Variants in TTC3 observed in about 807,000 individuals in gnomAD.
TTC3 encodes E3 ubiquitin-protein ligase TTC3.
TTC3 carries 180 observed loss-of-function variants against 249.6 expected under a neutral mutation model. That is an observed-to-expected ratio of 0.72 (90% CI 0.64 to 0.82). TTC3 has a LOEUF of 0.82. TTC3 is among the 40% of genes least tolerant of loss of function. The probability of loss-of-function intolerance (pLI) is 0.00; values close to 1 mark genes in which losing one functional copy is unlikely to be tolerated. For missense variants in TTC3, 2,061 were observed against 2,398.4 expected (o/e 0.86, Z 2.94); for synonymous variants, 717 against 805.0 (o/e 0.89, Z 1.85).
chr21:37,201,021 A>G (rs1422546232), intron 45 of TTC3, among the ~76,000 whole-genome samples: 1 of 152,234 alleles, frequency 6.6e-6, no homozygotes, highest in African/African-American at 2.4e-5. Context: ...CAGCAGCAGC[A>G]GGAGTGTGGC....
At position 37,195,846 on chromosome 21, in the gene TTC3, G is replaced by T. The variant is rs2084842452; in HGVS notation, c.5389G>T (p.Gly1797Cys). 1 of 1,614,240 alleles carries T rather than the reference G, an allele frequency of 6.2e-7. No individual in the cohort carries two copies. The highest frequency in any genetic ancestry group is 1.7e-5 in the Admixed American group (1 of 60,028). ...TGCGCTGTTGCCAGGGCCACCCCCT[G>T]GTCAGCCTGAAGCCACTCAGCTGAC... Residue 1797 changes from glycine to cysteine, a missense_variant, in exon 42 of 46, where the codon GGT (glycine) becomes TGT (cysteine). By Grantham distance (159) the Gly-to-Cys change is radical. Coordinates refer to ENST00000355666, the Ensembl canonical transcript of TTC3.
Position 37,148,528 on chromosome 21 carries a change from A to C in TTC3, c.2017-18A>C, listed in dbSNP as rs1194388144. ...GACATCTTTAAAACGTTAATTAAAA[A>C]ATTTTTTGTAACCCTAGGGTTTTAT... On this transcript the variant is annotated intron_variant, in intron 22 of 45. Transcript: ENST00000355666. The C allele has an allele frequency of 6.6e-7, 1 of 1,508,258 alleles. No homozygotes were observed. The highest frequency in any genetic ancestry group is 2.3e-5 in the Admixed American group (1 of 43,984). The allele number at this position is 1,508,258 out of a possible 1,614,324, so 93.4% of individuals were successfully genotyped here.
chr21:37,139,883 G>GT (rs1569027989), intron 19 of TTC3, among the ~76,000 whole-genome samples: 1 of 152,138 alleles, frequency 6.6e-6, no homozygotes, highest in Non-Finnish European at 1.5e-5. Context: ...TGCTTCAAAC[G>GT]TTTTTAGAAT....
intron 1 of TTC3, chr21:37,082,439 G>C: frequency 1.0e-6 from 1 of 965,072 alleles, no homozygotes; most frequent in Non-Finnish European, 1.2e-6. Flanking sequence ...GTGATCTTGA[G>C]AGTCTAATTT....
chr21:37,172,622 C>T, exon 35 of TTC3: 2 of 1,612,634 alleles, frequency 1.2e-6, no homozygotes, highest in Non-Finnish European at 8.5e-7. Context: ...TGAAAAGGAG[C>T]ACCAAGTATT....
At chr21:37,158,282 A>G in intron 28 of TTC3, 1 of 882,468 alleles carries the variant, frequency 1.1e-6, no homozygotes, top group Non-Finnish European at 1.4e-6. Context: ...ACTAAAAAGG[A>G]CACAATTCCC....
intron 13 of TTC3, among the ~76,000 whole-genome samples, chr21:37,124,190 A>ACTG (rs1304470145): frequency 8.6e-6 from 1 of 116,942 alleles, no homozygotes; most frequent in Admixed American, 1.3e-4. Context: ...ATCTTGGGTC[A>ACTG]CTGAAACCTC....
intron 1 of TTC3, among the ~76,000 whole-genome samples, chr21:37,084,948 G>A (rs549082297): frequency 3.5e-4 from 54 of 152,286 alleles, no homozygotes; most frequent in African/African-American, 1.2e-3. Context: ...AGCCGAGATC[G>A]TGCCAGTGCA....
chr21:37,106,542 C>G (rs2075092956), intron 10 of TTC3, among the ~76,000 whole-genome samples: 1 of 152,168 alleles, frequency 6.6e-6, no homozygotes, highest in Non-Finnish European at 1.5e-5. Context: ...ATGTACAGAT[C>G]TGCAGTCCAT....
At chr21:37,150,629 T>A (rs1026706092) in intron 24 of TTC3, among the ~76,000 whole-genome samples, 191 bp from the exon 25 acceptor site, 2 of 152,260 alleles carry the variant, frequency 1.3e-5, no homozygotes, top group African/African-American at 4.8e-5. Flanking sequence ...CAAGTGTGTC[T>A]ACCCTCTTGT....
At chr21:37,195,602 G>A in intron 41 of TTC3, 73 bp from the exon 42 acceptor site, 6 of 1,516,774 alleles carry the variant, frequency 4.0e-6, no homozygotes, top group South Asian at 1.3e-5. Context: ...TTTATTCATC[G>A]GCCTTTGTCC....
At chr21:37,157,131 T>C (rs2080177675) in intron 28 of TTC3, 3 of 1,435,898 alleles carry the variant, frequency 2.1e-6, no homozygotes, top group Non-Finnish European at 2.8e-6. Flanking sequence ...TATGTTATGC[T>C]AACAATACAC....
chr21:37,148,590 T>G lies in TTC3; in HGVS notation c.2061T>G (p.Phe687Leu), dbSNP rs759336857. The change falls in exon 23 of 46, where the codon TTT becomes TTG. Residue 687 changes from phenylalanine to leucine, a missense_variant. By Grantham distance (22) the Phe-to-Leu change is conservative. Around this residue, in one of 3 missense-constraint regions of TTC3, gnomAD observed 989 missense variants for 1,145.1 expected, o/e 0.86. Transcript: ENST00000355666. Reference sequence around the variant, plus strand: ...GTTGCCAGTACTGTAAAATAGAATTTCACATGAATTGCTGGAAGAAGTTAA... The same window carrying G: ...GTTGCCAGTACTGTAAAATAGAATTGCACATGAATTGCTGGAAGAAGTTAA... 1.9e-5 allele frequency: 30 copies of G among 1,605,938 alleles called. No homozygotes were observed. In the Admixed American group the frequency reaches 1.9e-4, roughly 10 times the overall value.
chr21:37,157,215 G>A, intron 28 of TTC3: 1 of 1,327,350 alleles, frequency 7.5e-7, no homozygotes, highest in Non-Finnish European at 1.0e-6. Context: ...GAATCTATTA[G>A]TAAGTGGTTT....
At chr21:37,087,550 T>A in intron 2 of TTC3, 149 bp downstream of exon 2, 1 of 1,046,032 alleles carries the variant, frequency 9.6e-7, no homozygotes, top group Non-Finnish European at 1.4e-6. Context: ...GAAGGGAAAG[T>A]AAGCACTGGC....
intron 11 of TTC3, among the ~76,000 whole-genome samples, chr21:37,117,738 C>T (rs984563088): frequency 6.7e-6 from 1 of 148,768 alleles, no homozygotes; most frequent in African/African-American, 2.5e-5. Flanking sequence ...GGCATGGTGG[C>T]ATGTGCCTAT....
chr21:37,088,405 C>G (rs1193536824), intron 4 of TTC3, 59 bp downstream of exon 4: 2 of 1,536,648 alleles, frequency 1.3e-6, no homozygotes, highest in African/African-American at 2.7e-5. Context: ...TACCCAATAC[C>G]AAGAAATGCA....
At position 37,160,865 on chromosome 21, in the gene TTC3, A is replaced by G. The variant is rs2080667571; in HGVS notation, c.3096+7A>G. The G allele has an allele frequency of 6.2e-7, 1 of 1,612,156 alleles. No individual in the cohort carries two copies. Among genetic ancestry groups the G allele is most frequent in the African/African-American group, 1.3e-5 (1 of 74,842 alleles). On this transcript the variant is annotated splice_region_variant and intron_variant, in intron 30 of 45. Coordinates refer to ENST00000355666, the Ensembl canonical transcript of TTC3. ...GAAGCCAAAGGATTCAAAGGTATGG[A>G]GTATTTTCTGTATTAATTCTTGTCT...
Position 37,095,340 on chromosome 21 carries a change from G to T in TTC3, c.688-10G>T, listed in dbSNP as rs1415440310. 14 of 1,581,944 alleles carry T rather than the reference G, an allele frequency of 8.8e-6. No homozygotes were observed. The East Asian group carries it at 2.7e-4, about 31-fold the overall frequency. On this transcript the variant is annotated splice_polypyrimidine_tract_variant and intron_variant, in intron 8 of 45. Transcript: ENST00000355666. ...TCATTGATGGGTCTTCTTTCACCTT[G>T]GTTTCTCAGGAAGGAGAACTAATGA...
Sources: gnomAD v4.1 joint callset for allele counts (sites outside exome capture counted in the v4.1 genomes callset) on GRCh38, gnomAD v4.1.1 for gene constraint, gnomAD v4.1.1 regional missense constraint, MANE v1.5 for transcripts, NCBI Gene and HGNC (gene_info 2026-07-23, HGNC 2026-07-21) for gene names.